Variants in ART5 observed in about 807,000 individuals in gnomAD.
ART5 encodes ecto-ADP-ribosyltransferase 5.
A neutral mutation model predicts 25.0 loss-of-function variants in ART5; 22 were observed. That is an observed-to-expected ratio of 0.88 (90% CI 0.63 to 1.26). ART5 has a LOEUF of 1.26. Among genes scored for constraint, ART5 ranks in the 50% most tolerant of loss-of-function variants. The pLI is 0.00. For synonymous variants in ART5, 161 were observed against 154.8 expected, an observed-to-expected ratio of 1.04 and a Z score of -0.30; for missense variants, 402 against 372.8, an observed-to-expected ratio of 1.08 and a Z score of -0.64.
At chr11:3,640,438 G>C in intron 1 of ART5, 67 bp from the exon 2 acceptor site, 1 of 1,490,358 alleles carries the variant, frequency 6.7e-7, no homozygotes, top group Non-Finnish European at 8.9e-7. Context: ...TGGGTCCTGG[G>C]GGCAAACCCA....
chr11:3,639,635 A>C lies in ART5; in HGVS notation c.787+7T>G. ...TGCCAGTCCTGCTTCCCCCATGCACAGCTTACCACCCAGATAGGCGCAGTT... is the reference window on the plus strand; with the variant it reads ...TGCCAGTCCTGCTTCCCCCATGCACCGCTTACCACCCAGATAGGCGCAGTT... On this transcript the variant is annotated splice_region_variant and intron_variant, in intron 2 of 3. Transcript: ENST00000397068. The C allele has an allele frequency of 2.5e-6, 4 of 1,605,344 alleles. No individual in the cohort carries two copies. Among genetic ancestry groups the C allele is most frequent in the Non-Finnish European group, 3.4e-6 (4 of 1,175,940 alleles).
chr11:3,640,708 T>C (rs1439909636), intron 1 of ART5, among the ~76,000 whole-genome samples: 1 of 152,122 alleles, frequency 6.6e-6, no homozygotes, highest in Admixed American at 6.5e-5. Context: ...TAACTGGGAT[T>C]ACCTGTGCAT....
At chr11:3,642,146 T>C, upstream of ART5, 1 of 1,292,912 alleles carries the variant, frequency 7.7e-7, no homozygotes, top group Non-Finnish European at 9.8e-7. Flanking sequence ...TGGCTCCGCC[T>C]GAGAGGGGAG....
intron 1 of ART5, among the ~76,000 whole-genome samples, chr11:3,640,884 G>A (rs1032273177): frequency 2.6e-5 from 4 of 152,126 alleles, no homozygotes; most frequent in Non-Finnish European, 1.5e-5. Context: ...TAGGATTACA[G>A]GTGCGCAATA....
chr11:3,641,996 GC>G (rs2077408045), upstream of ART5: 60 of 1,453,394 alleles, frequency 4.1e-5, no homozygotes, highest in Non-Finnish European at 5.3e-5. Context: ...CAGGATTAGG[GC>G]CCCGGCGGGG....
chr11:3,639,884 G>A lies in ART5; in HGVS notation c.545C>T (p.Ala182Val), dbSNP rs773985453. The A allele has an allele frequency of 1.2e-5, 20 of 1,614,064 alleles. No individual in the cohort carries two copies. The Admixed American group carries it at 2.3e-4, about 19-fold the overall frequency. The change falls in exon 2 of 4, where the codon GCC becomes GTC. Residue 182 changes from alanine to valine, a missense_variant. By Grantham distance (64) the Ala-to-Val change is moderately conservative. Coordinates refer to ENST00000397068, the MANE Select transcript of ART5 (RefSeq NM_053017.5). ...CACTGCCTTATCCAGGGAGCTGGAG[G>A]CAAACTGGCCCAAGCGGACAGAGTC... is the stretch of plus-strand genomic sequence containing the variant. ...LGDSVRLGQF[A>V]SSSLDKAVAH...
Position 3,639,882 on chromosome 11 carries a change from A to T in ART5, c.547T>A (p.Ser183Thr). The T allele has an allele frequency of 1.9e-6, 3 of 1,614,150 alleles. No homozygotes were observed. Among genetic ancestry groups the T allele is most frequent in the Non-Finnish European group, 2.5e-6 (3 of 1,180,002 alleles). The stretch of plus-strand genomic sequence containing the variant: ...GCCACTGCCTTATCCAGGGAGCTGG[A>T]GGCAAACTGGCCCAAGCGGACAGAG... ...GDSVRLGQFA[S>T]SSLDKAVAHR... Residue 183 changes from serine (S) to threonine (T), a missense_variant, in exon 2 of 4, where the codon TCC becomes ACC. Physicochemically the swap from Ser to Thr is moderately conservative, Grantham distance 58. Transcript: ENST00000397068.
At chr11:3,642,043 C>CGCCCCCT, upstream of ART5, 1 of 1,429,388 alleles carries the variant, frequency 7.0e-7, no homozygotes, top group African/African-American at 1.4e-5. Flanking sequence ...GCCCGCCCCC[C>CGCCCCCT]GCCCCAAGTC....
intron 1 of ART5, 52 bp from the exon 2 acceptor site, chr11:3,640,423 G>A (rs1374396506): frequency 6.6e-7 from 1 of 1,520,808 alleles, no homozygotes; most frequent in Non-Finnish European, 8.8e-7. Context: ...TCAGAGCACT[G>A]GACATGGGTC....
chr11:3,640,246 A>G lies in ART5; in HGVS notation c.183T>C (p.His61=). 6.2e-7 allele frequency: 1 copy of G among 1,613,806 alleles called. No individual in the cohort carries two copies. The highest frequency in any genetic ancestry group is 8.5e-7 in the Non-Finnish European group (1 of 1,180,040). The change falls in exon 2 of 4, where the codon CAT becomes CAC. Residue 61 remains histidine, a synonymous_variant. Transcript: ENST00000397068. ...CCTCCCAGGATTCCCGCAGCAGGGC[A>G]TGGTGGGCCATTTCCTCCTTTAGCA... The part of the protein sequence containing the change: ...APLLKEEMAH[H]ALLRESWEAA...
In ART5 at chr11:3,639,829, G is replaced by A; in HGVS notation, c.600C>T (p.Phe200=). The A allele has an allele frequency of 1.2e-6, 2 of 1,614,220 alleles. No homozygotes were observed. The highest frequency in any genetic ancestry group is 1.1e-5 in the South Asian group (1 of 91,086). The part of the protein sequence containing the change: ...VAHRFGNATL[F]SLTTCFGAPI... ...GGGCCCCAAAGCAAGTTGTTAGAGA[G>A]AAGAGGGTGGCATTACCAAATCTGT... is the stretch of plus-strand genomic sequence containing the variant. The change falls in exon 2 of 4, where the codon TTC becomes TTT. Residue 200 remains phenylalanine (F), a synonymous_variant. Coordinates refer to ENST00000397068, the MANE Select transcript of ART5 (RefSeq NM_053017.5).
upstream of ART5, chr11:3,642,046 C>T (rs1156294281): frequency 3.5e-6 from 5 of 1,428,232 alleles, no homozygotes; most frequent in South Asian, 1.5e-5. Flanking sequence ...CGCCCCCCGC[C>T]CCAAGTCTCC....
intron 2 of ART5, 137 bp downstream of exon 2, chr11:3,639,505 C>T (rs1268222771): frequency 9.3e-6 from 12 of 1,287,068 alleles, no homozygotes; most frequent in Non-Finnish European, 1.3e-5. Context: ...CAGAGGACAG[C>T]AACTCCAGCT....
upstream of ART5, chr11:3,642,300 C>A (rs1017505887): frequency 7.9e-6 from 8 of 1,011,802 alleles, no homozygotes; most frequent in Admixed American, 5.4e-5. Flanking sequence ...CTGTAGCCCC[C>A]GCGCTGGTAA....
rs2077367546 is a variant in ART5, at chr11:3,639,926, T to C, written c.503A>G (p.Glu168Gly). The stretch of plus-strand genomic sequence containing the variant: ...GACAGAGTCTCCCAGCCTCTTGGGT[T>C]CAAAGCGAAGGCTGCCCACACCTCG... The part of the protein sequence containing the change: ...VFRGVGSLRF[E>G]PKRLGDSVRL... The change falls in exon 2 of 4, where the codon GAA becomes GGA. Residue 168 changes from glutamate (E) to glycine (G), a missense_variant. Physicochemically the swap from Glu to Gly is moderately conservative, Grantham distance 98. Coordinates refer to ENST00000397068, the MANE Select transcript of ART5 (RefSeq NM_053017.5). 6.2e-7 allele frequency: 1 copy of C among 1,614,022 alleles called. No homozygotes were observed. The highest frequency in any genetic ancestry group is 8.5e-7 in the Non-Finnish European group (1 of 1,180,030).
chr11:3,640,489 G>T, intron 1 of ART5, 118 bp from the exon 2 acceptor site: 1 of 1,323,076 alleles, frequency 7.6e-7, no homozygotes, highest in Non-Finnish European at 1.0e-6. Context: ...TAAATATCAG[G>T]TATATGCAAT....
At chr11:3,642,212 G>T, upstream of ART5, 1 of 1,160,394 alleles carries the variant, frequency 8.6e-7, no homozygotes, top group Non-Finnish European at 1.1e-6. Context: ...GGGAGGGAGC[G>T]CCGAGGGCTC....
Position 3,638,679 on chromosome 11 carries a change from C to T in ART5, c.*59G>A. ...CAGCCCTGCTGTGGCCTCCCCAGGC[C>T]AACATCCTGGTTGGGGAGAAGGCTG... On this transcript the variant is annotated 3_prime_UTR_variant, in exon 4 of 4. Coordinates refer to ENST00000397068, the MANE Select transcript of ART5 (RefSeq NM_053017.5). 6.2e-7 allele frequency: 1 copy of T among 1,608,928 alleles called. No homozygotes were observed. Among genetic ancestry groups the T allele is most frequent in the African/African-American group, 1.3e-5 (1 of 74,894 alleles).
chr11:3,642,145 C>T (rs1589909672), upstream of ART5: 1 of 1,287,406 alleles, frequency 7.8e-7, no homozygotes, highest in East Asian at 3.2e-5. Flanking sequence ...TTGGCTCCGC[C>T]TGAGAGGGGA....
Sources: gnomAD v4.1 joint callset for allele counts (sites outside exome capture counted in the v4.1 genomes callset) on GRCh38, gnomAD v4.1.1 for gene constraint, MANE v1.5 for transcripts, NCBI Gene and HGNC (gene_info 2026-07-23, HGNC 2026-07-21) for gene names.